CMIP: variants seen among roughly 807,000 people sequenced by gnomAD.
The protein encoded by CMIP is C-Maf-inducing protein.
Under a neutral mutation model 97.3 loss-of-function variants are expected in CMIP, and 13 were observed. The observed-to-expected ratio is 0.13, with a 90% CI of 0.09 to 0.21. The LOEUF is 0.21. Ranked by LOEUF, CMIP falls within the 10% of genes least tolerant of loss-of-function variation. CMIP has a pLI of 1.00. For missense variants in CMIP, 847 were observed against 1,024.9 expected (o/e 0.83, Z 2.37); for synonymous variants, 538 against 436.3 (o/e 1.23, Z -2.91).
chr16:81,500,268 T>TTCCG (rs1241591633), intron 1 of CMIP, among the ~76,000 whole-genome samples: 8 of 118,706 alleles, frequency 6.7e-5, no homozygotes, highest in East Asian at 2.5e-4. Context: ...CCTTCCTTCC[T>TTCCG]TCCGTCCTTC....
intron 13 of CMIP, chr16:81,696,231 T>G (rs986060363): frequency 2.0e-5 from 8 of 403,926 alleles, no homozygotes; most frequent in East Asian, 1.1e-4. Flanking sequence ...AAGGGGCTGA[T>G]TGTGGGCGGT....
intron 1 of CMIP, among the ~76,000 whole-genome samples, chr16:81,576,749 C>G (rs911996178): frequency 1.3e-5 from 2 of 152,168 alleles, no homozygotes; most frequent in African/African-American, 2.4e-5. Flanking sequence ...TTAGGCAGAT[C>G]CAGGTGTGAG....
rs957832414 is a variant in CMIP, at chr16:81,676,845, A to G, written c.1035-1430A>G. On this transcript the variant is annotated intron_variant, in intron 9 of 20. Transcript: ENST00000537098. ...CAGCTGCAACAATTCCCCAAACACAATGCCAGCTGTGTGGCCCTGTCCTCA... is the reference window on the plus strand; with the variant it reads ...CAGCTGCAACAATTCCCCAAACACAGTGCCAGCTGTGTGGCCCTGTCCTCA... Among the ~76,000 whole-genome samples the G allele has an allele frequency of 7.9e-5, 12 of 152,176 alleles. No individual in the cohort carries two copies. The South Asian group carries it at 2.5e-3, about 32-fold the overall frequency.
intron 1 of CMIP, among the ~76,000 whole-genome samples, chr16:81,486,052 C>T (rs1023175413): frequency 6.6e-6 from 1 of 152,222 alleles, no homozygotes; most frequent in Non-Finnish European, 1.5e-5. Flanking sequence ...GCCTGACAGG[C>T]AGAGAGGGGC....
intron 1 of CMIP, among the ~76,000 whole-genome samples, chr16:81,522,500 A>G (rs890369993): frequency 5.9e-5 from 9 of 152,392 alleles, no homozygotes; most frequent in African/African-American, 2.2e-4. Flanking sequence ...AGCACTGCAT[A>G]CTGTGATAGA....
At chr16:81,538,510 C>T (rs146550694) in intron 1 of CMIP, among the ~76,000 whole-genome samples, 6 of 152,252 alleles carry the variant, frequency 3.9e-5, no homozygotes, top group Admixed American at 1.3e-4. Context: ...TCTTACTTCG[C>T]GAGCTGAGTA....
At chr16:81,502,673 T>C (rs1391220081) in intron 1 of CMIP, among the ~76,000 whole-genome samples, 4 of 152,180 alleles carry the variant, frequency 2.6e-5, no homozygotes, top group East Asian at 1.9e-4. Flanking sequence ...GTGAGAAATG[T>C]CAAGTGTTAC....
chr16:81,600,848 T>C (rs2091645526), intron 1 of CMIP, among the ~76,000 whole-genome samples: 1 of 152,258 alleles, frequency 6.6e-6, no homozygotes, highest in Non-Finnish European at 1.5e-5. Flanking sequence ...GACACTGTGA[T>C]GGCAGCCTCA....
chr16:81,556,140 C>G (rs1301583152), intron 1 of CMIP, among the ~76,000 whole-genome samples: 1 of 152,168 alleles, frequency 6.6e-6, no homozygotes, highest in East Asian at 1.9e-4. Context: ...GGCCAGAGAT[C>G]TCAGGAGTAG....
At chr16:81,609,935 A>T (rs1385384454) in intron 2 of CMIP, among the ~76,000 whole-genome samples, 1 of 152,226 alleles carries the variant, frequency 6.6e-6, no homozygotes, top group Non-Finnish European at 1.5e-5. Flanking sequence ...GCAGCCACTG[A>T]AAGCTCTGAA....
At chr16:81,667,988 A>T (rs1392356916) in intron 7 of CMIP, among the ~76,000 whole-genome samples, 1 of 152,000 alleles carries the variant, frequency 6.6e-6, no homozygotes, top group Non-Finnish European at 1.5e-5. Context: ...ACTCCACATG[A>T]AGAAGCCCCC....
intron 1 of CMIP, among the ~76,000 whole-genome samples, 172 bp from the exon 2 acceptor site, chr16:81,607,394 TG>T (rs2091761583): frequency 6.6e-6 from 1 of 152,222 alleles, no homozygotes. Flanking sequence ...CAGCTGGATA[TG>T]GCCAGCCAGA....
intron 1 of CMIP, among the ~76,000 whole-genome samples, chr16:81,460,558 C>T (rs1434033822): frequency 1.3e-5 from 2 of 152,154 alleles, no homozygotes; most frequent in Non-Finnish European, 2.9e-5. Context: ...GACGGCTGGT[C>T]ACCCTAGGTA....
At position 81,616,870 on chromosome 16, in the gene CMIP, A is replaced by G. The variant is rs16955666; in HGVS notation, c.427-4006A>G. ...CAAGTGCTGCTGTGAGAGGCAGGCT[A>G]CGAGGACCCAGCTAAGACTGGAGGC... is the stretch of plus-strand genomic sequence containing the variant. On this transcript the variant is annotated intron_variant, in intron 2 of 20. Transcript: ENST00000537098. The surrounding 1 kb of genome is among the most constrained non-coding windows in gnomAD (Gnocchi z 4.7). 0.064 allele frequency among the ~76,000 whole-genome samples: 9,722 copies of G among 152,302 alleles called. 701 individuals carry two copies. Among genetic ancestry groups the G allele is most frequent in the East Asian group, 0.29 (1,515 of 5,164 alleles).
chr16:81,609,395 G>C (rs894390463), intron 2 of CMIP, among the ~76,000 whole-genome samples: 16 of 152,280 alleles, frequency 1.1e-4, no homozygotes, highest in African/African-American at 3.6e-4. Flanking sequence ...AGATGGGGCG[G>C]GCAATCACAG....
chr16:81,525,593 T>G (rs1270948346), intron 1 of CMIP, among the ~76,000 whole-genome samples: 1 of 152,240 alleles, frequency 6.6e-6, no homozygotes, highest in African/African-American at 2.4e-5. Context: ...TTCTCCTCCG[T>G]CAGCCTCTCA....
At chr16:81,663,145 C>G (rs1009066277) in intron 6 of CMIP, among the ~76,000 whole-genome samples, 13 of 152,050 alleles carry the variant, frequency 8.5e-5, no homozygotes, top group African/African-American at 3.1e-4. Context: ...AGGTATTTCC[C>G]CAAATGAGTT....
chr16:81,700,118 A>T (rs1172608237), intron 15 of CMIP, among the ~76,000 whole-genome samples: 1 of 152,194 alleles, frequency 6.6e-6, no homozygotes, highest in African/African-American at 2.4e-5. Context: ...GCACATGGGC[A>T]TTGGGGTACC....
chr16:81,645,368 G>T (rs950030420), intron 3 of CMIP: 1 of 1,446,448 alleles, frequency 6.9e-7, no homozygotes, highest in Admixed American at 2.3e-5. Context: ...GTGTACGCGC[G>T]CGAGCCCCAG....
Sources: allele counts gnomAD v4.1 joint callset (sites outside exome capture counted in the v4.1 genomes callset), GRCh38; gene constraint gnomAD v4.1.1; non-coding constraint Gnocchi (gnomAD v3.1); transcripts MANE v1.5; gene names NCBI Gene and HGNC (gene_info 2026-07-23, HGNC 2026-07-21).